THBS1: variants seen among roughly 807,000 people sequenced by gnomAD.
THBS1 encodes the protein thrombospondin-1.
THBS1 carries 29 observed loss-of-function variants against 126.1 expected under a neutral mutation model. That is an observed-to-expected ratio of 0.23 (90% confidence interval 0.17 to 0.31). The LOEUF (loss-of-function observed/expected upper bound fraction) is 0.31, where lower values mean the gene tolerates loss of function less well. THBS1 is among the 10% of genes least tolerant of loss of function. The pLI is 1.00. For missense variants in THBS1, 1,198 were observed against 1,545.2 expected (o/e 0.78, Z 3.77); for synonymous variants, 496 against 577.8 (o/e 0.86, Z 2.03).
intron 7 of THBS1, 107 bp from the exon 8 acceptor site, chr15:39,587,240 T>A: frequency 9.1e-7 from 1 of 1,096,262 alleles, no homozygotes; most frequent in Non-Finnish European, 1.3e-6. Context: ...AAGAAATAAA[T>A]ATATTGCTTT....
At chr15:39,581,737 G>A (rs1036724430) in intron 1 of THBS1, 92 bp from the exon 2 acceptor site, 8 of 704,124 alleles carry the variant, frequency 1.1e-5, no homozygotes, top group African/African-American at 3.6e-5. Context: ...GGATGGTCCC[G>A]GCCCTGTCCC....
At position 39,599,249 on chromosome 15, in the gene THBS1, C is replaced by A. The variant is rs749079105; in HGVS notation, c.*3880C>A. On this transcript the variant is annotated 3_prime_UTR_variant, in exon 22 of 22. Coordinates refer to ENST00000260356, the MANE Select transcript of THBS1 (RefSeq NM_003246.4). ...AATCCGGAAGCTTTTTGTTGAATTA[C>A]GTTACAGACTTAGTTACCAGTCCTT... 11 of 152,170 alleles carry A rather than the reference C, an allele frequency of 7.2e-5. No individual in the cohort carries two copies. The highest frequency in any genetic ancestry group is 1.3e-4 in the Non-Finnish European group (9 of 68,022). The allele number at this position is 152,170 out of a possible 1,614,324, so 9.4% of individuals were successfully genotyped here. A position where few individuals can be genotyped will look rare whatever the true frequency, so the allele number is the denominator to read the frequency against.
chr15:39,588,465 A>G (rs1890253263), intron 9 of THBS1, 61 bp from the exon 10 acceptor site: 3 of 1,512,536 alleles, frequency 2.0e-6, no homozygotes, highest in South Asian at 2.7e-5. Flanking sequence ...AGGAGAGTCT[A>G]TGACAAGGGA....
chr15:39,581,502 A>C (rs1890101865), intron 1 of THBS1, among the ~76,000 whole-genome samples: 2 of 133,946 alleles, frequency 1.5e-5, no homozygotes, highest in African/African-American at 7.0e-5. Flanking sequence ...CACTCCAGGG[A>C]AGAGTCTGTA....
Position 39,594,285 on chromosome 15 carries a change from T to C in THBS1, c.3366-16T>C. 1 of 1,613,250 alleles carries C rather than the reference T, an allele frequency of 6.2e-7. No individual in the cohort carries two copies. Among genetic ancestry groups the C allele is most frequent in the Non-Finnish European group, 8.5e-7 (1 of 1,179,674 alleles). ...TAAATAGCATTGTCACTAAACAAGA[T>C]TTTTTTTCCCTGCAGAGTGGTGATG... On this transcript the variant is annotated splice_polypyrimidine_tract_variant and intron_variant, in intron 20 of 21. Transcript: ENST00000260356. This position sits in a 1 kb window ranked among gnomAD's most constrained non-coding sequence, Gnocchi z 4.4.
chr15:39,597,039 A>G lies in THBS1; in HGVS notation c.*1670A>G, dbSNP rs1890464501. On this transcript the variant is annotated 3_prime_UTR_variant, in exon 22 of 22. Transcript: ENST00000260356. ...AGAGAAGTATTCCCAATAAGGAAAT[A>G]GCATTGAAATGTTAAATACAATTTC... 6.6e-6 allele frequency: 1 copy of G among 152,238 alleles called. No homozygotes were observed. The highest frequency in any genetic ancestry group is 2.1e-4 in the South Asian group (1 of 4,836). The allele number at this position is 152,238 out of a possible 1,614,324, so 9.4% of individuals were successfully genotyped here.
Position 39,592,813 on chromosome 15 carries a change from G to T in THBS1, c.2767+11G>T. On this transcript the variant is annotated intron_variant, in intron 17 of 21. Coordinates refer to ENST00000260356, the MANE Select transcript of THBS1 (RefSeq NM_003246.4). This position sits in a 1 kb window ranked among gnomAD's most constrained non-coding sequence, Gnocchi z 4.3. The stretch of plus-strand genomic sequence containing the variant: ...AGAAGGACTCTGACGGTGAGTCATG[G>T]GAGCCACTTTCTAAGACAGGGACTG... The T allele has an allele frequency of 6.2e-7, 1 of 1,608,234 alleles. No individual in the cohort carries two copies. Among genetic ancestry groups the T allele is most frequent in the South Asian group, 1.1e-5 (1 of 90,020 alleles).
Position 39,598,689 on chromosome 15 carries a change from AATT to A in THBS1, c.*3323_*3325del, listed in dbSNP as rs2140355168. Reference sequence around the variant, plus strand: ...AAATAAAGGACTTGTTAAAAATTAAAATTATGTCATCGAGATGATAGCTTTTTT... The same window carrying A: ...AAATAAAGGACTTGTTAAAAATTAAAATGTCATCGAGATGATAGCTTTTTT... On this transcript the variant is annotated 3_prime_UTR_variant, in exon 22 of 22. Coordinates refer to ENST00000260356, the MANE Select transcript of THBS1 (RefSeq NM_003246.4). The A allele has an allele frequency of 6.6e-6, 1 of 152,284 alleles. No homozygotes were observed. The highest frequency in any genetic ancestry group is 2.1e-4 in the South Asian group (1 of 4,820). 9.4% of individuals were successfully genotyped at this position (152,284 alleles called of 1,614,324 possible).
chr15:39,590,965 T>C (rs1296213991), intron 14 of THBS1: 1 of 571,288 alleles, frequency 1.8e-6, no homozygotes, highest in African/African-American at 1.9e-5. Flanking sequence ...GATGATGGGA[T>C]TATATTCTAC....
rs1165962534 is a variant in THBS1 at position 39,597,071 on chromosome 15, TTA to T, written c.*1704_*1705del. 2 of 152,164 alleles carry T rather than the reference TTA, an allele frequency of 1.3e-5. No homozygotes were observed. The highest frequency in any genetic ancestry group is 2.9e-5 in the Non-Finnish European group (2 of 68,024). 9.4% of individuals were successfully genotyped at this position (152,164 alleles called of 1,614,324 possible). ...AAATGTTAAATACAATTTCTGAAAG[TTA>T]TGTTTTTTTTCTATCATCTGGTATA... On this transcript the variant is annotated 3_prime_UTR_variant, in exon 22 of 22. Coordinates refer to ENST00000260356, the MANE Select transcript of THBS1 (RefSeq NM_003246.4).
At position 39,599,285 on chromosome 15, in the gene THBS1, C is replaced by A. The variant is rs991635572; in HGVS notation, c.*3916C>A. ...TAGTTACCAGTCCTTGTTAGAGTTACCTTCAGTTGACATGCTGTGAATGGT... is the reference window on the plus strand; with the variant it reads ...TAGTTACCAGTCCTTGTTAGAGTTAACTTCAGTTGACATGCTGTGAATGGT... On this transcript the variant is annotated 3_prime_UTR_variant, in exon 22 of 22. Coordinates refer to ENST00000260356, the MANE Select transcript of THBS1 (RefSeq NM_003246.4). 6.6e-6 allele frequency: 1 copy of A among 152,132 alleles called. No individual in the cohort carries two copies. 9.4% of individuals were successfully genotyped at this position (152,132 alleles called of 1,614,324 possible). A position where few individuals can be genotyped will look rare whatever the true frequency, so the allele number is the denominator to read the frequency against.
chr15:39,589,002 T>C lies in THBS1; in HGVS notation c.1689T>C (p.Thr563=). Residue 563 remains threonine (T), a synonymous_variant, in exon 11 of 22, where the codon ACT becomes ACC. Coordinates refer to ENST00000260356, the MANE Select transcript of THBS1 (RefSeq NM_003246.4). The surrounding 1 kb of genome is among the most constrained non-coding windows in gnomAD (Gnocchi z 4.7). ...CCTGCTTTGCCGGCGTGAAGTGTAC[T>C]AGCTACCCTGATGGCAGCTGGAAAT... ...SNPCFAGVKC[T]SYPDGSWKCG... The C allele has an allele frequency of 6.2e-7, 1 of 1,614,174 alleles. No homozygotes were observed.
In THBS1 at chr15:39,582,599, G is replaced by A; in HGVS notation, c.474G>A (p.Leu158=). The change falls in exon 3 of 22, where the codon CTG becomes CTA. Residue 158 remains leucine (L), a synonymous_variant. Transcript: ENST00000260356. ...CCGGCCAGTGGAAGAGCATCACCCTGTTTGTGCAGGAAGACAGGGCCCAGC... is the reference window on the plus strand; with the variant it reads ...CCGGCCAGTGGAAGAGCATCACCCTATTTGTGCAGGAAGACAGGGCCCAGC... ...LATGQWKSIT[L]FVQEDRAQLY... 1 of 1,614,134 alleles carries A rather than the reference G, an allele frequency of 6.2e-7. No homozygotes were observed. Among genetic ancestry groups the A allele is most frequent in the South Asian group, 1.1e-5 (1 of 91,084 alleles).
At position 39,594,319 on chromosome 15, in the gene THBS1, G is replaced by C; in HGVS notation, c.3384G>C (p.Gly1128=). ...CCTGCAGAGTGGTGATGTATGAAGGGAAGAAAATCATGGCTGACTCAGGAC... is the reference window on the plus strand; with the variant it reads ...CCTGCAGAGTGGTGATGTATGAAGGCAAGAAAATCATGGCTGACTCAGGAC... ...TGFIRVVMYE[G]KKIMADSGPI... is the part of the protein sequence containing the mutation. Residue 1128 remains glycine (G), a synonymous_variant, in exon 21 of 22, where the codon GGG becomes GGC. Coordinates refer to ENST00000260356, the MANE Select transcript of THBS1 (RefSeq NM_003246.4). The surrounding 1 kb of genome is among the most constrained non-coding windows in gnomAD (Gnocchi z 4.4). 1 of 1,614,188 alleles carries C rather than the reference G, an allele frequency of 6.2e-7. No homozygotes were observed. The highest frequency in any genetic ancestry group is 8.5e-7 in the Non-Finnish European group (1 of 1,180,030).
At chr15:39,591,377 C>T (rs759130265) in intron 15 of THBS1, 27 bp downstream of exon 15, 16 of 1,602,580 alleles carry the variant, frequency 1.0e-5, no homozygotes, top group African/African-American at 5.4e-5. Flanking sequence ...TCAGAGGGCC[C>T]GCGGGAGACA....
At chr15:39,585,404 A>C (rs1218773598) in intron 6 of THBS1, 66 bp from the exon 7 acceptor site, 3 of 1,440,380 alleles carry the variant, frequency 2.1e-6, no homozygotes, top group Middle Eastern at 1.7e-4. Context: ...GAAATGTTAC[A>C]GGATGTAGAC....
At position 39,589,689 on chromosome 15, in the gene THBS1, A is replaced by G; in HGVS notation, c.1927-116A>G. Reference sequence around the variant, plus strand: ...ATGGGGAGGGACAGAGGTAACCCACACTCTTCCAAATGGAGCCTCTGTCTA... The same window carrying G: ...ATGGGGAGGGACAGAGGTAACCCACGCTCTTCCAAATGGAGCCTCTGTCTA... On this transcript the variant is annotated intron_variant, in intron 12 of 21. Coordinates refer to ENST00000260356, the MANE Select transcript of THBS1 (RefSeq NM_003246.4). The surrounding 1 kb of genome is among the most constrained non-coding windows in gnomAD (Gnocchi z 4.7). 8.8e-7 allele frequency: 1 copy of G among 1,141,210 alleles called. No homozygotes were observed. Among genetic ancestry groups the G allele is most frequent in the Non-Finnish European group, 1.2e-6 (1 of 830,160 alleles). 70.7% of individuals were successfully genotyped at this position (1,141,210 alleles called of 1,614,324 possible). A position where few individuals can be genotyped will look rare whatever the true frequency, so the allele number is the denominator to read the frequency against.
Position 39,593,779 on chromosome 15 carries a change from C to G in THBS1, c.3267+111C>G. On this transcript the variant is annotated intron_variant, in intron 19 of 21. Transcript: ENST00000260356. The surrounding 1 kb of genome is among the most constrained non-coding windows in gnomAD (Gnocchi z 5.9). ...CCAGGGAGTCTTAGAAAGTTCCCAG[C>G]ATCACCAGCTGCAGCATTGAACTCT... The G allele has an allele frequency of 7.0e-7, 1 of 1,433,772 alleles. No individual in the cohort carries two copies. The highest frequency in any genetic ancestry group is 1.4e-5 in the South Asian group (1 of 73,724). The allele number at this position is 1,433,772 out of a possible 1,614,324, so 88.8% of individuals were successfully genotyped here. A position where few individuals can be genotyped will look rare whatever the true frequency, so the allele number is the denominator to read the frequency against.
intron 4 of THBS1, 69 bp from the exon 5 acceptor site, chr15:39,583,919 A>G (rs1394268540): frequency 1.3e-6 from 2 of 1,568,238 alleles, no homozygotes; most frequent in East Asian, 2.3e-5. Context: ...AACGTCTTCT[A>G]CCACTAAGAA....
Sources: gnomAD v4.1 joint callset for allele counts (sites outside exome capture counted in the v4.1 genomes callset) on GRCh38, gnomAD v4.1.1 for gene constraint, Gnocchi (gnomAD v3.1) non-coding constraint, MANE v1.5 for transcripts, NCBI Gene and HGNC (gene_info 2026-07-23, HGNC 2026-07-21) for gene names.